RASSF3: variants seen among roughly 807,000 people sequenced by gnomAD.
RASSF3 encodes Ras association domain family member 3.
In RASSF3, 19 loss-of-function variants were observed where a neutral mutation model predicts 19.9. That is an observed-to-expected ratio of 0.96 (90% CI 0.67 to 1.40). The LOEUF (loss-of-function observed/expected upper bound fraction) is 1.40, where lower values mean the gene tolerates loss of function less well. Ranked by LOEUF, RASSF3 falls within the 40% of genes most tolerant of loss-of-function variation. The probability of loss-of-function intolerance (pLI) is 0.00; values close to 1 mark genes in which losing one functional copy is unlikely to be tolerated. For synonymous variants in RASSF3, 110 were observed against 104.2 expected (o/e 1.06, Z -0.34); for missense variants, 306 against 289.8 (o/e 1.06, Z -0.41).
intron 1 of RASSF3, among the ~76,000 whole-genome samples, chr12:64,513,891 G>GT (rs1868343568): frequency 6.6e-6 from 1 of 151,886 alleles, no homozygotes; most frequent in South Asian, 2.1e-4. Flanking sequence ...TTGTTTGTTT[G>GT]TTTTTTGAGA....
At chr12:64,565,770 C>G (rs1002820870) in intron 2 of RASSF3, among the ~76,000 whole-genome samples, 11 of 151,756 alleles carry the variant, frequency 7.2e-5, no homozygotes, top group African/African-American at 2.7e-4. Context: ...ATAATCCCAG[C>G]TACTAGGGGG....
chr12:64,692,933 C>T (rs74098107), intron 4 of RASSF3, among the ~76,000 whole-genome samples: 4,237 of 152,080 alleles, frequency 0.028, 208 homozygotes, highest in African/African-American at 0.097. Context: ...GACTGCTGTA[C>T]TGGACCTCTG....
chr12:64,561,987 G>GTATTTATT (rs71092982), intron 2 of RASSF3, among the ~76,000 whole-genome samples: 8,863 of 135,296 alleles, frequency 0.066, 412 homozygotes, highest in South Asian at 0.12. Flanking sequence ...ATGGCCCATA[G>GTATTTATT]TATTTATTTA....
intron 1 of RASSF3, among the ~76,000 whole-genome samples, chr12:64,631,536 A>AATGTATGTATGTATGT (rs10532504): frequency 6.8e-6 from 1 of 146,452 alleles, no homozygotes; most frequent in African/African-American, 2.5e-5. Flanking sequence ...CATCGTATGT[A>AATGTATGTATGTATGT]ATGTATGTAT....
In RASSF3 at chr12:64,684,013, AGT is replaced by A. The variant is rs10598381; in HGVS notation, c.112-751_112-750del. ...AGGAGAGAGAGAGAGAGAGAGAGTGAGTGTGTGTGTGTGTGTGTGTGTGTTTC... is the reference window on the plus strand; with the variant it reads ...AGGAGAGAGAGAGAGAGAGAGAGTGAGTGTGTGTGTGTGTGTGTGTGTTTC... On this transcript the variant is annotated intron_variant, in intron 1 of 4. Coordinates refer to ENST00000542104, the MANE Select transcript of RASSF3 (RefSeq NM_178169.4). Among the ~76,000 whole-genome samples the A allele has an allele frequency of 4.7e-3, 653 of 138,416 alleles. 1 individual carries two copies. The highest frequency in any genetic ancestry group is 6.5e-3 in the Non-Finnish European group (414 of 63,350). 90.8% of individuals were successfully genotyped at this position (138,416 alleles called of 152,430 possible).
At chr12:64,647,409 T>TTTC (rs1871774444) in intron 1 of RASSF3, among the ~76,000 whole-genome samples, 2 of 136,782 alleles carry the variant, frequency 1.5e-5, no homozygotes, top group Non-Finnish European at 3.3e-5. Flanking sequence ...CTAATTTTTT[T>TTTC]TTCTTTTTTT....
chr12:64,599,269 T>C (rs1341066327), intron 2 of RASSF3: 1 of 152,082 alleles, frequency 6.6e-6, no homozygotes, highest in Admixed American at 6.6e-5. Flanking sequence ...CAATGCCTCA[T>C]GGCAAAAAAA....
chr12:64,683,691 A>C (rs1187875958), intron 1 of RASSF3, among the ~76,000 whole-genome samples: 1 of 152,256 alleles, frequency 6.6e-6, no homozygotes, highest in African/African-American at 2.4e-5. Context: ...CAACAGAGTT[A>C]ATACAAGTTG....
At chr12:64,666,541 A>G (rs1405430741) in intron 1 of RASSF3, among the ~76,000 whole-genome samples, 2 of 152,148 alleles carry the variant, frequency 1.3e-5, no homozygotes, top group Admixed American at 1.3e-4. Context: ...GTGACTTCTT[A>G]TTCTGGTGTA....
chr12:64,537,727 C>G (rs4964111), intron 1 of RASSF3, among the ~76,000 whole-genome samples: 50,464 of 152,090 alleles, frequency 0.33, 10,345 homozygotes, highest in East Asian at 0.66. Context: ...TTAGAGTCCT[C>G]TCTTCCCATA....
rs1457789847 is a variant in RASSF3 at position 64,697,045 on chromosome 12, G to A, written c.*2133G>A. On this transcript the variant is annotated 3_prime_UTR_variant, in exon 5 of 5. Coordinates refer to ENST00000542104, the MANE Select transcript of RASSF3 (RefSeq NM_178169.4). The stretch of plus-strand genomic sequence containing the variant: ...ACTGTTAGAACCTAAAGTAGTAGCT[G>A]ATGGGTATCTGTGAATTTTTTTTTT... 1 of 149,950 alleles carries A rather than the reference G, an allele frequency of 6.7e-6. No individual in the cohort carries two copies. Among genetic ancestry groups the A allele is most frequent in the Non-Finnish European group, 1.5e-5 (1 of 67,678 alleles). The allele number at this position is 149,950 out of a possible 1,614,324, so 9.3% of individuals were successfully genotyped here. A position where few individuals can be genotyped will look rare whatever the true frequency, so the allele number is the denominator to read the frequency against.
At chr12:64,532,611 C>G (rs1408703866), upstream of RASSF3, among the ~76,000 whole-genome samples, 3 of 151,768 alleles carry the variant, frequency 2.0e-5, no homozygotes, top group Non-Finnish European at 4.4e-5. Flanking sequence ...CTGCTTAAGT[C>G]CAGGGGTTCA....
intron 2 of RASSF3, among the ~76,000 whole-genome samples, chr12:64,600,174 A>G (rs1041635122): frequency 2.0e-5 from 3 of 151,974 alleles, no homozygotes; most frequent in African/African-American, 4.8e-5. Context: ...CAAACAAACA[A>G]CTAGCCAGGC....
chr12:64,536,255 C>T (rs1868825522), intron 1 of RASSF3, among the ~76,000 whole-genome samples: 1 of 151,676 alleles, frequency 6.6e-6, no homozygotes, highest in Admixed American at 6.6e-5. Flanking sequence ...CGTGATCTGC[C>T]CGCCTCGGCC....
chr12:64,550,335 G>A (rs1324491363), intron 2 of RASSF3, among the ~76,000 whole-genome samples: 1 of 151,956 alleles, frequency 6.6e-6, no homozygotes, highest in Non-Finnish European at 1.5e-5. Context: ...GAGGAGAGGA[G>A]AGGAGAAAGA....
chr12:64,684,030 G>GTGTGTGTGTGTGTGTGTA (rs1873240625), intron 1 of RASSF3, among the ~76,000 whole-genome samples: 1 of 151,060 alleles, frequency 6.6e-6, no homozygotes, highest in African/African-American at 2.4e-5. Flanking sequence ...GTGTGTGTGT[G>GTGTGTGTGTGTGTGTGTA]TGTGTGTTTC....
At chr12:64,514,480 C>T (rs757566602) in intron 1 of RASSF3, among the ~76,000 whole-genome samples, 3 of 152,036 alleles carry the variant, frequency 2.0e-5, no homozygotes, top group African/African-American at 4.8e-5. Context: ...CCACCGTGCC[C>T]GGCCAGAATT....
chr12:64,607,543 T>A (rs773071557), upstream of RASSF3, among the ~76,000 whole-genome samples: 65 of 151,996 alleles, frequency 4.3e-4, no homozygotes, highest in Non-Finnish European at 6.2e-4. Context: ...CTAATTTTTT[T>A]ATATATTTTC....
chr12:64,604,838 C>T (rs978547807), intron 2 of RASSF3, among the ~76,000 whole-genome samples: 8 of 151,486 alleles, frequency 5.3e-5, no homozygotes, highest in Non-Finnish European at 8.8e-5. Context: ...GGGGTTTCAC[C>T]GTGGTCTCGA....
Sources: allele counts gnomAD v4.1 joint callset (sites outside exome capture counted in the v4.1 genomes callset), GRCh38; gene constraint gnomAD v4.1.1; transcripts MANE v1.5; gene names NCBI Gene and HGNC (gene_info 2026-07-23, HGNC 2026-07-21).